The following ANO6 variants were observed in gnomAD, a reference collection of about 807,000 sequenced individuals.
ANO6 encodes the protein anoctamin 6, also known as anoctamin-6.
A neutral mutation model predicts 117.5 loss-of-function variants in ANO6; 106 were observed. The observed-to-expected ratio is 0.90, with a 90% CI of 0.77 to 1.06. The LOEUF (loss-of-function observed/expected upper bound fraction) is 1.06, where lower values mean the gene tolerates loss of function less well. ANO6 is among the 50% of genes least tolerant of loss of function. ANO6 has a pLI of 0.00. For synonymous variants in ANO6, 367 were observed against 385.1 expected (o/e 0.95, Z 0.55); for missense variants, 955 against 1,121.1 (o/e 0.85, Z 2.12).
intron 1 of ANO6, among the ~76,000 whole-genome samples, chr12:45,260,509 C>T (rs1361252697): frequency 6.6e-6 from 1 of 152,196 alleles, no homozygotes; most frequent in Non-Finnish European, 1.5e-5. Flanking sequence ...GTGGGTCACA[C>T]TTGGATTTGT....
At position 45,294,237 on chromosome 12, in the gene ANO6, AAGGGT is replaced by A. The variant is rs1440397750; in HGVS notation, c.71-7774_71-7770del. 5.9e-5 allele frequency among the ~76,000 whole-genome samples: 9 copies of A among 152,222 alleles called. 1 individual carries two copies. Among genetic ancestry groups the A allele is most frequent in the Middle Eastern group, 3.2e-3 (1 of 316 alleles). On this transcript the variant is annotated intron_variant, in intron 1 of 19. Coordinates refer to ENST00000320560, the MANE Select transcript of ANO6 (RefSeq NM_001025356.3). ...AACTGATGATAATACATTATTCAAG[AAGGGT>A]AGCACAGCAAAGGGGAACCTTTTGA...
chr12:45,404,644 C>A (rs1020789056), intron 15 of ANO6, among the ~76,000 whole-genome samples: 10 of 152,046 alleles, frequency 6.6e-5, no homozygotes, highest in Admixed American at 1.3e-4. Flanking sequence ...TGACTATCTT[C>A]TGTAGTCACC....
intron 13 of ANO6, among the ~76,000 whole-genome samples, chr12:45,402,577 C>T (rs1024410481): frequency 2.0e-5 from 3 of 152,198 alleles, no homozygotes; most frequent in Admixed American, 6.6e-5. Context: ...GCTCGGTGAT[C>T]ATCTAAAATG....
At chr12:45,254,347 G>T (rs1937735172) in intron 1 of ANO6, among the ~76,000 whole-genome samples, 1 of 152,224 alleles carries the variant, frequency 6.6e-6, no homozygotes, top group African/African-American at 2.4e-5. Flanking sequence ...CCAAGGAATA[G>T]GGGGAGAGGA....
chr12:45,290,635 C>T (rs1399995020), intron 1 of ANO6, among the ~76,000 whole-genome samples: 1 of 152,128 alleles, frequency 6.6e-6, no homozygotes, highest in Non-Finnish European at 1.5e-5. Context: ...ATACTGTTTG[C>T]CATTTATAGA....
chr12:45,416,809 A>G lies in ANO6; in HGVS notation c.2122A>G (p.Thr708Ala), dbSNP rs760950404. The G allele has an allele frequency of 3.7e-6, 6 of 1,614,028 alleles. No homozygotes were observed. Among genetic ancestry groups the G allele is most frequent in the Non-Finnish European group, 5.1e-6 (6 of 1,180,024 alleles). The change falls in exon 17 of 20, where the codon ACC (threonine) becomes GCC (alanine). Residue 708 changes from threonine to alanine, a missense_variant. Coordinates refer to ENST00000320560, the MANE Select transcript of ANO6 (RefSeq NM_001025356.3). ...AAGAGTGGACGCATGGAAACTGACCACCCAGTTTAGACGCCTGGTACCAGA... is the reference window on the plus strand; with the variant it reads ...AAGAGTGGACGCATGGAAACTGACCGCCCAGTTTAGACGCCTGGTACCAGA... ...EIRVDAWKLTTQFRRLVPEKA... is the reference protein window; with the variant it reads ...EIRVDAWKLTAQFRRLVPEKA...
rs151250927 is a variant in ANO6 at position 45,216,528 on chromosome 12, GCCCGCTGT to G, written c.70+141_70+148del. 2.3e-5 allele frequency: 23 copies of G among 991,722 alleles called. No homozygotes were observed. In the East Asian group the frequency reaches 6.2e-4, roughly 27 times the overall value. The allele number at this position is 991,722 out of a possible 1,614,324, so 61.4% of individuals were successfully genotyped here. On this transcript the variant is annotated intron_variant, in intron 1 of 19. Coordinates refer to ENST00000320560, the MANE Select transcript of ANO6 (RefSeq NM_001025356.3). ...TCGGCCGCTCCGGGCAGGGGAGGAA[GCCCGCTGT>G]CCCCGGCTGCTTGCAGACTGAGGCC...
intron 2 of ANO6, 33 bp from the exon 3 acceptor site, chr12:45,331,262 A>G (rs760099596): frequency 7.0e-6 from 11 of 1,571,016 alleles, no homozygotes; most frequent in Non-Finnish European, 9.6e-6. Flanking sequence ...TCAAAAAATT[A>G]TATATTACAA....
chr12:45,334,434 C>T (rs1344655311), intron 3 of ANO6, among the ~76,000 whole-genome samples: 2 of 152,004 alleles, frequency 1.3e-5, no homozygotes, highest in Non-Finnish European at 2.9e-5. Context: ...AAATTGTCTT[C>T]CCTTGATTTT....
chr12:45,408,657 C>A (rs1395331275), intron 15 of ANO6, among the ~76,000 whole-genome samples: 1 of 152,136 alleles, frequency 6.6e-6, no homozygotes. Context: ...TATCTAAAGT[C>A]AGATTATGTC....
At chr12:45,241,378 C>T (rs1047402350) in intron 1 of ANO6, among the ~76,000 whole-genome samples, 1 of 152,246 alleles carries the variant, frequency 6.6e-6, no homozygotes, top group African/African-American at 2.4e-5. Flanking sequence ...ACAAAGTTCT[C>T]ATACCATGGT....
intron 19 of ANO6, among the ~76,000 whole-genome samples, chr12:45,438,374 C>G (rs185989203): frequency 8.9e-4 from 136 of 152,086 alleles, no homozygotes; most frequent in Non-Finnish European, 1.1e-3. Flanking sequence ...ATGTGATCAG[C>G]AATACAGATT....
downstream of ANO6, among the ~76,000 whole-genome samples, chr12:45,434,294 G>A (rs981186811): frequency 1.3e-5 from 2 of 152,124 alleles, no homozygotes; most frequent in Admixed American, 6.6e-5. Flanking sequence ...GAGTCAGAGT[G>A]ATAAATCGCT....
At chr12:45,372,080 C>T (rs1941856994) in intron 9 of ANO6, among the ~76,000 whole-genome samples, 1 of 152,052 alleles carries the variant, frequency 6.6e-6, no homozygotes, top group African/African-American at 2.4e-5. Flanking sequence ...GCCTCAGGAG[C>T]TGATGCGATC....
chr12:45,302,192 C>T (rs144493856), intron 2 of ANO6, 99 bp downstream of exon 2: 47 of 1,023,126 alleles, frequency 4.6e-5, no homozygotes, highest in African/African-American at 3.5e-4. Flanking sequence ...CCTTCAATGG[C>T]TGTAGATCCT....
rs760683729 is a variant in ANO6 at position 45,367,686 on chromosome 12, A to G, written c.999-2A>G. ...AATTAAGTTTTATTTCTCTCTTTTT[A>G]GCAAAGAAGTTTGTCATCCTGATAT... On this transcript the variant is annotated splice_acceptor_variant, in intron 8 of 19. Coordinates refer to ENST00000320560, the MANE Select transcript of ANO6 (RefSeq NM_001025356.3). LOFTEE classifies it high-confidence loss of function. 6.2e-7 allele frequency: 1 copy of G among 1,610,608 alleles called. No individual in the cohort carries two copies. Among genetic ancestry groups the G allele is most frequent in the Admixed American group, 1.7e-5 (1 of 59,958 alleles).
intron 2 of ANO6, among the ~76,000 whole-genome samples, chr12:45,304,916 A>C (rs7970250): frequency 0.94 from 143,217 of 152,214 alleles, 67,993 homozygotes; most frequent in East Asian, 1. Context: ...GAACCTCCCA[A>C]GTGGCCTGGA....
At chr12:45,432,900 G>A (rs1332332582), downstream of ANO6, among the ~76,000 whole-genome samples, 1 of 152,156 alleles carries the variant, frequency 6.6e-6, no homozygotes, top group East Asian at 1.9e-4. Flanking sequence ...ATATGTAAAA[G>A]CAGAACTCTA....
chr12:45,304,503 T>G (rs1195316380), intron 2 of ANO6, among the ~76,000 whole-genome samples: 1 of 152,196 alleles, frequency 6.6e-6, no homozygotes, highest in Non-Finnish European at 1.5e-5. Context: ...TATTCTGTTT[T>G]TCTCCATCTG....
Sources: allele counts gnomAD v4.1 joint callset (sites outside exome capture counted in the v4.1 genomes callset), GRCh38; gene constraint gnomAD v4.1.1; transcripts MANE v1.5; gene names NCBI Gene and HGNC (gene_info 2026-07-23, HGNC 2026-07-21).